The following DPM1 variants were observed in gnomAD, a reference collection of about 807,000 sequenced individuals.
The protein encoded by DPM1 is dolichol-phosphate mannosyltransferase subunit 1.
A neutral mutation model predicts 39.0 loss-of-function variants in DPM1; 27 were observed. That is an observed-to-expected ratio of 0.69 (90% CI 0.51 to 0.95). The LOEUF is 0.95. DPM1 is among the 40% of genes least tolerant of loss of function. The pLI is 0.00. For synonymous variants in DPM1, 124 were observed against 109.0 expected (o/e 1.14, Z -0.86); for missense variants, 307 against 315.6 (o/e 0.97, Z 0.21).
chr20:50,955,571 A>G (rs889894093), intron 1 of DPM1, among the ~76,000 whole-genome samples: 4 of 152,172 alleles, frequency 2.6e-5, no homozygotes, highest in Non-Finnish European at 5.9e-5. Flanking sequence ...TATGTATCAT[A>G]TGAATTTTTT....
At chr20:50,937,126 GA>G (rs1241469017) in intron 7 of DPM1, among the ~76,000 whole-genome samples, 1 of 151,600 alleles carries the variant, frequency 6.6e-6, no homozygotes. Context: ...GGAGAGGGGA[GA>G]AAGCAAGAAG....
rs1985670185 is a variant in DPM1 at position 50,940,890 on chromosome 20, C to T, written c.538G>A (p.Ala180Thr). 1.9e-6 allele frequency: 3 copies of T among 1,613,804 alleles called. No homozygotes were observed. The highest frequency in any genetic ancestry group is 4.5e-5 in the East Asian group (2 of 44,868). Residue 180 changes from alanine to threonine, a missense_variant, in exon 7 of 9, where the codon GCA becomes ACA. Around this residue, in one of 3 missense-constraint regions of DPM1, gnomAD observed 31 missense variants for 58.0 expected, o/e 0.53. Coordinates refer to ENST00000371588, the MANE Select transcript of DPM1 (RefSeq NM_003859.3). Reference protein sequence around the residue: ...FLTQILLRPGASDLTGSFRLY... With the variant: ...FLTQILLRPGTSDLTGSFRLY... ...CTGAAACTTCCTGTTAAATCAGATG[C>T]TCCTGGTCTCAGCAAGATCTGAGTT...
intron 7 of DPM1, among the ~76,000 whole-genome samples, chr20:50,937,741 C>G (rs575712860): frequency 6.6e-6 from 1 of 152,250 alleles, no homozygotes; most frequent in East Asian, 1.9e-4. Context: ...GCTGAGACTA[C>G]AGGCATGTGC....
At chr20:50,955,114 G>A (rs1986759281) in intron 2 of DPM1, 72 bp downstream of exon 2, 4 of 1,110,116 alleles carry the variant, frequency 3.6e-6, no homozygotes, top group Non-Finnish European at 5.5e-6. Context: ...TTGAATTTAA[G>A]CATTGTTCAT....
chr20:50,939,418 T>C (rs1305060600), intron 7 of DPM1, among the ~76,000 whole-genome samples: 5 of 151,988 alleles, frequency 3.3e-5, no homozygotes, highest in Non-Finnish European at 7.4e-5. Flanking sequence ...CAGGCTGGAG[T>C]GCAGTGGCGC....
At chr20:50,935,873 T>G (rs1222660731) in intron 8 of DPM1, among the ~76,000 whole-genome samples, 3 of 152,150 alleles carry the variant, frequency 2.0e-5, no homozygotes, top group African/African-American at 4.8e-5. Flanking sequence ...AGAGACTCAG[T>G]CCATAATGCT....
chr20:50,937,630 A>G (rs1042129058), intron 7 of DPM1, among the ~76,000 whole-genome samples: 4 of 151,942 alleles, frequency 2.6e-5, no homozygotes, highest in Non-Finnish European at 4.4e-5. Context: ...TTTGGAGACA[A>G]GGTCTCACTC....
chr20:50,936,699 ACAGT>A (rs1480379741), intron 7 of DPM1, among the ~76,000 whole-genome samples: 1 of 152,244 alleles, frequency 6.6e-6, no homozygotes, highest in African/African-American at 2.4e-5. Context: ...CTCATAATTC[ACAGT>A]CATTTTCCAA....
At chr20:50,957,608 TTAAA>T (rs1380292026) in intron 1 of DPM1, among the ~76,000 whole-genome samples, 6 of 152,150 alleles carry the variant, frequency 3.9e-5, no homozygotes, top group South Asian at 2.1e-4. Flanking sequence ...CATGACCTGA[TTAAA>T]TAAATAACAC....
At chr20:50,941,259 T>TATATATATATATATATAA (rs1568762595) in intron 6 of DPM1, 6 of 166,906 alleles carry the variant, frequency 3.6e-5, no homozygotes, top group South Asian at 2.0e-4. Context: ...TATATATATA[T>TATATATATATATATATAA]ATATAAATAA....
At chr20:50,954,322 T>G (rs1986724537) in intron 2 of DPM1, among the ~76,000 whole-genome samples, 1 of 152,118 alleles carries the variant, frequency 6.6e-6, no homozygotes, top group Non-Finnish European at 1.5e-5. Flanking sequence ...ATCCAAACAT[T>G]TGCAGTTGCC....
chr20:50,935,120 A>G lies in DPM1; in HGVS notation c.*12T>C, dbSNP rs758875594. On this transcript the variant is annotated 3_prime_UTR_variant, in exon 9 of 9. Transcript: ENST00000371588. ...CCTGAAATGAACGTAACTATAAATG[A>G]GTATCTTTCTTTTATGTAGTAGCAA... The G allele has an allele frequency of 7.4e-5, 103 of 1,397,732 alleles. No individual in the cohort carries two copies. Among genetic ancestry groups the G allele is most frequent in the Middle Eastern group, 2.2e-4 (1 of 4,562 alleles). The allele number at this position is 1,397,732 out of a possible 1,614,324, so 86.6% of individuals were successfully genotyped here.
At chr20:50,958,533 GA>G, upstream of DPM1, 1 of 1,613,438 alleles carries the variant, frequency 6.2e-7, no homozygotes, top group Non-Finnish European at 8.5e-7. Context: ...TGGCGGAACT[GA>G]GCCAGATGCC....
intron 3 of DPM1, among the ~76,000 whole-genome samples, chr20:50,948,189 G>A (rs1008648196): frequency 3.3e-5 from 5 of 152,140 alleles, no homozygotes; most frequent in African/African-American, 1.2e-4. Context: ...ACCTCTGACT[G>A]GGAATTTCCC....
intron 3 of DPM1, among the ~76,000 whole-genome samples, chr20:50,947,133 G>A (rs1290131736): frequency 1.3e-5 from 2 of 151,946 alleles, no homozygotes; most frequent in South Asian, 2.1e-4. Flanking sequence ...GCTTGAACCC[G>A]GGAGGCAGAG....
chr20:50,956,380 G>T (rs1303868559), intron 1 of DPM1, among the ~76,000 whole-genome samples: 1 of 152,072 alleles, frequency 6.6e-6, no homozygotes. Flanking sequence ...GAGGCAGGCG[G>T]ATCACGAGGT....
chr20:50,948,623 A>G lies in DPM1; in HGVS notation c.295+6T>C, dbSNP rs1986415897. 5 of 1,613,712 alleles carry G rather than the reference A, an allele frequency of 3.1e-6. No individual in the cohort carries two copies. The African/African-American group carries it at 6.7e-5, about 22-fold the overall frequency. ...GGTGTGAGGGGTTAGAGATTACACG[A>G]CTTACCTAGTCCCAACTTTTTCTCT... On this transcript the variant is annotated splice_donor_region_variant and intron_variant, in intron 3 of 8. Coordinates refer to ENST00000371588, the MANE Select transcript of DPM1 (RefSeq NM_003859.3).
At position 50,938,380 on chromosome 20, in the gene DPM1, TAA is replaced by T. The variant is rs1207343452; in HGVS notation, c.564-2120_564-2119del. ...TGAGAAGACAATGAGATTTAACTAT[TAA>T]AAAAAATTTTTTTTTTTTTTTGAGA... On this transcript the variant is annotated intron_variant, in intron 7 of 8. Transcript: ENST00000371588. 5.3e-5 allele frequency among the ~76,000 whole-genome samples: 8 copies of T among 150,712 alleles called. No homozygotes were observed. In the East Asian group the frequency reaches 1.6e-3, roughly 30 times the overall value.
At chr20:50,936,039 A>G in intron 8 of DPM1, 109 bp downstream of exon 8, 2 of 750,000 alleles carry the variant, frequency 2.7e-6, no homozygotes, top group Admixed American at 4.1e-5. Context: ...CAACTAGAAG[A>G]CCTCCACAAT....
Sources: allele counts gnomAD v4.1 joint callset (sites outside exome capture counted in the v4.1 genomes callset), GRCh38; gene constraint gnomAD v4.1.1; regional missense constraint gnomAD v4.1.1; transcripts MANE v1.5; gene names NCBI Gene and HGNC (gene_info 2026-07-23, HGNC 2026-07-21).